The following NOP14 variants were observed in gnomAD, a reference collection of about 807,000 sequenced individuals.
NOP14 encodes the protein NOP14 nucleolar protein.
NOP14 carries 57 observed loss-of-function variants against 101.6 expected under a neutral mutation model. The observed-to-expected ratio is 0.56, with a 90% CI of 0.45 to 0.70. NOP14 has a LOEUF of 0.70. Among genes scored for constraint, NOP14 ranks in the 30% least tolerant of loss-of-function variants. The probability of loss-of-function intolerance (pLI) is 0.00; values close to 1 mark genes in which losing one functional copy is unlikely to be tolerated. For missense variants in NOP14, 1,134 were observed against 1,075.5 expected, an observed-to-expected ratio of 1.05 and a Z score of -0.76; for synonymous variants, 428 against 424.0, an observed-to-expected ratio of 1.01 and a Z score of -0.12.
chr4:2,949,798 G>A (rs1714890346), intron 8 of NOP14, 136 bp downstream of exon 8: 2 of 916,046 alleles, frequency 2.2e-6, no homozygotes, highest in Non-Finnish European at 3.4e-6. Context: ...ACACAGGGGT[G>A]TGTCCAGGCA....
At chr4:2,956,592 A>G in intron 3 of NOP14, 78 bp downstream of exon 3, 2 of 1,375,864 alleles carry the variant, frequency 1.5e-6, no homozygotes, top group Non-Finnish European at 2.0e-6. Flanking sequence ...AGTCTCTAAG[A>G]AGAGCAGAAG....
intron 1 of NOP14, among the ~76,000 whole-genome samples, chr4:2,959,787 A>C (rs988954114): frequency 1.3e-5 from 2 of 152,184 alleles, no homozygotes; most frequent in African/African-American, 4.8e-5. Context: ...CACAGTACTG[A>C]ATCAGGTTAA....
In NOP14 at chr4:2,939,346, A is replaced by G; in HGVS notation, c.2319-3T>C. 2 of 1,613,950 alleles carry G rather than the reference A, an allele frequency of 1.2e-6. No individual in the cohort carries two copies. Among genetic ancestry groups the G allele is most frequent in the Non-Finnish European group, 1.7e-6 (2 of 1,179,996 alleles). ...CTTGTTTTCTTCCAAACTCGAGGCT[A>G]CAACCAGAAAGCCACTGTTAAGGAA... On this transcript the variant is annotated splice_region_variant and splice_polypyrimidine_tract_variant and intron_variant, in intron 16 of 17. Coordinates refer to ENST00000416614, the MANE Select transcript of NOP14 (RefSeq NM_001291978.2).
Position 2,960,724 on chromosome 4 carries a change from T to TTA in NOP14, c.195+2400_195+2401insTA, listed in dbSNP as rs1476373776. Among the ~76,000 whole-genome samples the TTA allele has an allele frequency of 5.8e-4, 76 of 131,540 alleles. 2 individuals are homozygous for TTA. Among genetic ancestry groups the TTA allele is most frequent in the African/African-American group, 7.2e-4 (24 of 33,530 alleles). The allele number at this position is 131,540 out of a possible 152,430, so 86.3% of individuals were successfully genotyped here. ...TAATATTAATATATTAATATTATAA[T>TTA]CACATTAATATTAATATATTAATAT... On this transcript the variant is annotated intron_variant, in intron 1 of 17. Transcript: ENST00000416614.
chr4:2,942,497 T>C (rs374692547), intron 13 of NOP14, 146 bp from the exon 14 acceptor site: 2 of 867,748 alleles, frequency 2.3e-6, no homozygotes, highest in African/African-American at 1.7e-5. Context: ...CACTGAGGGT[T>C]TCAGCGTGGG....
At position 2,960,711 on chromosome 4, in the gene NOP14, A is replaced by G. The variant is rs188780457; in HGVS notation, c.195+2414T>C. Among the ~76,000 whole-genome samples the G allele has an allele frequency of 1.5e-3, 188 of 128,708 alleles. 26 individuals carry two copies. Among genetic ancestry groups the G allele is most frequent in the Non-Finnish European group, 2.0e-3 (123 of 62,856 alleles). The allele number at this position is 128,708 out of a possible 152,430, so 84.4% of individuals were successfully genotyped here. A position where few individuals can be genotyped will look rare whatever the true frequency, so the allele number is the denominator to read the frequency against. ...ATTATAATCACATTAATATTAATATATTAATATTATAATCACATTAATATT... is the reference window on the plus strand; with the variant it reads ...ATTATAATCACATTAATATTAATATGTTAATATTATAATCACATTAATATT... On this transcript the variant is annotated intron_variant, in intron 1 of 17. Transcript: ENST00000416614.
chr4:2,954,277 A>G, intron 4 of NOP14, 147 bp downstream of exon 4: 1 of 940,424 alleles, frequency 1.1e-6, no homozygotes, highest in Non-Finnish European at 1.6e-6. Context: ...GTGATTTTTA[A>G]AATTCCTACT....
chr4:2,939,191 T>G lies in NOP14; in HGVS notation c.2471A>C (p.Glu824Ala). 6.2e-7 allele frequency: 1 copy of G among 1,613,904 alleles called. No individual in the cohort carries two copies. Among genetic ancestry groups the G allele is most frequent in the Non-Finnish European group, 8.5e-7 (1 of 1,180,020 alleles). ...LARMQLSEIM[E>A]RDAERKRKVK... ...CGCACACACACGTCCCCCTCACCGT[T>G]CCATGATTTCTGAGAGTTGCATCCT... The change falls in exon 17 of 18, where the codon GAA becomes GCA. Residue 824 changes from glutamate (E) to alanine (A), a missense_variant. Glu to Ala is a moderately radical substitution (Grantham distance 107). Transcript: ENST00000416614.
intron 10 of NOP14, chr4:2,946,919 A>C: frequency 3.7e-6 from 1 of 273,026 alleles, no homozygotes; most frequent in Non-Finnish European, 7.1e-6. Flanking sequence ...TGACGTGGAG[A>C]GCTCCGCGCG....
At chr4:2,942,379 A>T in intron 13 of NOP14, 28 bp from the exon 14 acceptor site, 1 of 1,606,610 alleles carries the variant, frequency 6.2e-7, no homozygotes, top group Non-Finnish European at 8.5e-7. Context: ...CAGGACAGAG[A>T]TGGCCTGAAC....
Position 2,941,679 on chromosome 4 carries a change from A to G in NOP14, c.2102T>C (p.Met701Thr), listed in dbSNP as rs769656171. The change falls in exon 15 of 18, where the codon ATG becomes ACG. Residue 701 changes from methionine to threonine, a missense_variant. Coordinates refer to ENST00000416614, the MANE Select transcript of NOP14 (RefSeq NM_001291978.2). Reference sequence around the variant, plus strand: ...GTGGAAGGATGGCAGGGACCCGTACATGAGCACGCAGCGCTTCAGCAGGGC... The same window carrying G: ...GTGGAAGGATGGCAGGGACCCGTACGTGAGCACGCAGCGCTTCAGCAGGGC... Reference protein sequence around the residue: ...GLALLKRCVLMYGSLPSFHAI... With the variant: ...GLALLKRCVLTYGSLPSFHAI... 68 of 1,613,172 alleles carry G rather than the reference A, an allele frequency of 4.2e-5. No individual in the cohort carries two copies. Among genetic ancestry groups the G allele is most frequent in the African/African-American group, 2.1e-4 (16 of 74,944 alleles).
Position 2,938,879 on chromosome 4 carries a change from T to C in NOP14, c.2526A>G (p.Thr842=), listed in dbSNP as rs1713900166. The C allele has an allele frequency of 1.2e-6, 2 of 1,614,092 alleles. No homozygotes were observed. The highest frequency in any genetic ancestry group is 1.7e-5 in the Admixed American group (1 of 60,012). The change falls in exon 18 of 18, where the codon ACA becomes ACG. Residue 842 remains threonine (T), a synonymous_variant. Transcript: ENST00000416614. ...TCAGAGCCTTCCATTCGCCTTCCTG[T>C]GTAGCCAGGCTGTTAAAAAGCTGCT... is the stretch of plus-strand genomic sequence containing the variant. ...KVKQLFNSLA[T]QEGEWKALKR...
chr4:2,944,077 G>A lies in NOP14; in HGVS notation c.1887C>T (p.Ser629=). 6.2e-7 allele frequency: 1 copy of A among 1,606,164 alleles called. No individual in the cohort carries two copies. Among genetic ancestry groups the A allele is most frequent in the South Asian group, 1.1e-5 (1 of 89,142 alleles). ...ACCTCCCTCAAATCAACTCACCTTG[G>A]CTTGCTTTGTTTGGAGTTGCTATGT... is the stretch of plus-strand genomic sequence containing the variant. ...ILYIATPNKA[S]QGSTLVHPFR... is the part of the protein sequence containing the mutation. The change falls in exon 13 of 18, where the codon AGC becomes AGT. Residue 629 remains serine, a synonymous_variant. Transcript: ENST00000416614.
chr4:2,939,126 G>C (rs779594808), intron 17 of NOP14, 62 bp downstream of exon 17: 46 of 1,601,582 alleles, frequency 2.9e-5, no homozygotes, highest in Non-Finnish European at 3.9e-5. Context: ...CTCTGCCCAG[G>C]GCCACACAGC....
chr4:2,953,393 A>G (rs1417399316), intron 5 of NOP14, 118 bp downstream of exon 5: 6 of 1,086,132 alleles, frequency 5.5e-6, no homozygotes, highest in Non-Finnish European at 8.1e-6. Context: ...AATGTTCAAC[A>G]GAAACTTGCC....
At chr4:2,957,074 T>C (rs1407907456) in intron 2 of NOP14, among the ~76,000 whole-genome samples, 2 of 152,194 alleles carry the variant, frequency 1.3e-5, no homozygotes, top group African/African-American at 2.4e-5. Flanking sequence ...TGATCTGGGC[T>C]CACTGCAACC....
chr4:2,953,700 C>T, intron 4 of NOP14, 55 bp from the exon 5 acceptor site: 1 of 1,601,218 alleles, frequency 6.2e-7, no homozygotes, highest in Non-Finnish European at 8.5e-7. Context: ...GACTTCAACC[C>T]AGAGGCCCAA....
chr4:2,943,939 G>C (rs111611314), intron 13 of NOP14, 134 bp downstream of exon 13: 8 of 698,488 alleles, frequency 1.1e-5, no homozygotes, highest in African/African-American at 7.2e-5. Flanking sequence ...CAGAGGGACA[G>C]ACAGTGCGGC....
chr4:2,944,966 G>A (rs1474999671), intron 12 of NOP14, among the ~76,000 whole-genome samples, 162 bp downstream of exon 12: 10 of 152,208 alleles, frequency 6.6e-5, no homozygotes, highest in Admixed American at 6.5e-4. Flanking sequence ...GGCTGCTCGA[G>A]CCGGGGCTCT....
Sources: allele counts gnomAD v4.1 joint callset (sites outside exome capture counted in the v4.1 genomes callset), GRCh38; gene constraint gnomAD v4.1.1; transcripts MANE v1.5; gene names NCBI Gene and HGNC (gene_info 2026-07-23, HGNC 2026-07-21).